Variants in CLIC4 observed in about 807,000 individuals in gnomAD.
CLIC4 encodes chloride intracellular channel protein 4.
Under a neutral mutation model 24.6 loss-of-function variants are expected in CLIC4, and 13 were observed. The ratio of observed to expected loss-of-function variants is 0.53; its 90% CI spans 0.34 to 0.84. The LOEUF (loss-of-function observed/expected upper bound fraction) is 0.84, where lower values mean the gene tolerates loss of function less well. Among genes scored for constraint, CLIC4 ranks in the 40% least tolerant of loss-of-function variants. The pLI is 0.01. For synonymous variants in CLIC4, 104 were observed against 111.3 expected (o/e 0.93, Z 0.41); for missense variants, 227 against 301.7 (o/e 0.75, Z 1.83).
At chr1:24,745,880 A>G (rs1375922088) in intron 1 of CLIC4, among the ~76,000 whole-genome samples, 4 of 151,178 alleles carry the variant, frequency 2.6e-5, no homozygotes, top group Non-Finnish European at 5.9e-5. Flanking sequence ...CGGACGCCAG[A>G]CCAGCGTCCC....
intron 1 of CLIC4, among the ~76,000 whole-genome samples, chr1:24,768,903 CAAAA>C (rs71032856): frequency 8.4e-5 from 9 of 107,272 alleles, no homozygotes; most frequent in Admixed American, 9.5e-5. Flanking sequence ...TCTGCCTCAC[CAAAA>C]AAAAAAAAAA....
chr1:24,790,110 C>T (rs114829053), intron 1 of CLIC4, among the ~76,000 whole-genome samples: 3,507 of 152,298 alleles, frequency 0.023, 61 homozygotes, highest in Non-Finnish European at 0.031. Context: ...TCTGCTCTGT[C>T]GCCCAGGCTG....
chr1:24,780,819 G>A (rs1222829859), intron 1 of CLIC4, among the ~76,000 whole-genome samples: 1 of 152,148 alleles, frequency 6.6e-6, no homozygotes, highest in African/African-American at 2.4e-5. Context: ...TGGGCACGGT[G>A]TCTCATGCCT....
At chr1:24,799,450 C>T (rs1015154967) in intron 2 of CLIC4, among the ~76,000 whole-genome samples, 15 of 149,766 alleles carry the variant, frequency 1.0e-4, no homozygotes, top group Admixed American at 5.3e-4. Flanking sequence ...CCCCTCCGCC[C>T]GGCAGCTGCC....
chr1:24,755,296 A>G (rs1258123666), intron 1 of CLIC4, among the ~76,000 whole-genome samples: 6 of 144,618 alleles, frequency 4.1e-5, no homozygotes, highest in Middle Eastern at 3.8e-3. Context: ...AAAATTAGCT[A>G]GGCATGATGG....
rs1639952557 is a variant in CLIC4 at position 24,842,398 on chromosome 1, A to G, written c.*1461A>G. On this transcript the variant is annotated 3_prime_UTR_variant, in exon 6 of 6. Coordinates refer to ENST00000374379, the MANE Select transcript of CLIC4 (RefSeq NM_013943.3). ...TTGTGACTATAATACATTTTTGGTA[A>G]TTTTTTTATACCTAATTTGTATAGG... 6.6e-6 allele frequency: 1 copy of G among 152,062 alleles called. No individual in the cohort carries two copies. The highest frequency in any genetic ancestry group is 2.4e-5 in the African/African-American group (1 of 41,396). 9.4% of individuals were successfully genotyped at this position (152,062 alleles called of 1,614,324 possible). A position where few individuals can be genotyped will look rare whatever the true frequency, so the allele number is the denominator to read the frequency against.
At chr1:24,799,552 G>T (rs1219340458) in intron 2 of CLIC4, among the ~76,000 whole-genome samples, 2 of 151,940 alleles carry the variant, frequency 1.3e-5, no homozygotes, top group South Asian at 2.1e-4. Context: ...CATCTGGGAA[G>T]TGAGGAGCGT....
intron 1 of CLIC4, among the ~76,000 whole-genome samples, chr1:24,766,020 T>C (rs186592961): frequency 6.6e-5 from 10 of 152,132 alleles, no homozygotes; most frequent in African/African-American, 2.4e-4. Context: ...TTTTTTTTCT[T>C]TTGAGATGGA....
At chr1:24,818,805 C>G (rs1274491132) in intron 3 of CLIC4, among the ~76,000 whole-genome samples, 1 of 45,340 alleles carries the variant, frequency 2.2e-5, no homozygotes, top group Admixed American at 3.2e-4. Flanking sequence ...CTTGAACTGT[C>G]TTAATTTAAA....
At position 24,839,868 on chromosome 1, in the gene CLIC4, A is replaced by C; in HGVS notation, c.424A>C (p.Arg142=). 6.2e-7 allele frequency: 1 copy of C among 1,611,066 alleles called. No homozygotes were observed. Among genetic ancestry groups the C allele is most frequent in the Non-Finnish European group, 8.5e-7 (1 of 1,179,386 alleles). The change falls in exon 5 of 6, where the codon AGG becomes CGG. Residue 142 remains arginine (R), a synonymous_variant. Transcript: ENST00000374379. ...SRPEANEALE[R]GLLKTLQKLD... ...TTTTTTTCCCCCCCAAGCACTGGAG[A>C]GGGGTCTCCTGAAAACCCTGCAGAA...
At chr1:24,817,824 G>A (rs148990791) in intron 3 of CLIC4, among the ~76,000 whole-genome samples, 51 of 152,286 alleles carry the variant, frequency 3.3e-4, no homozygotes, top group African/African-American at 1.2e-3. Flanking sequence ...ACACTGAGAG[G>A]TCATTGTAGG....
rs199639065 is a variant in CLIC4 at position 24,837,234 on chromosome 1, AAGG to A, written c.416-2621_416-2619del. ...AGCAAAAACCAATATTGGAAATAAA[AAGG>A]AGGATTGCTACAGATCTTACATTAA... On this transcript the variant is annotated intron_variant, in intron 4 of 5. Transcript: ENST00000374379. Among the ~76,000 whole-genome samples the A allele has an allele frequency of 9.2e-3, 1,400 of 152,292 alleles. 11 individuals are homozygous for A. Among genetic ancestry groups the A allele is most frequent in the Non-Finnish European group, 0.016 (1,062 of 68,024 alleles).
At position 24,797,834 on chromosome 1, in the gene CLIC4, G is replaced by A. The variant is rs768077828; in HGVS notation, c.165G>A (p.Thr55=). The stretch of plus-strand genomic sequence containing the variant: ...TCAAAGGAGTTGTATTTAGTGTGAC[G>A]ACTGTTGACCTGAAAAGGTAAGACA... ...LWLKGVVFSV[T]TVDLKRKPAD... is the part of the protein sequence containing the mutation. Residue 55 remains threonine, a synonymous_variant, in exon 2 of 6, where the codon ACG becomes ACA. Coordinates refer to ENST00000374379, the MANE Select transcript of CLIC4 (RefSeq NM_013943.3). 6 of 1,611,588 alleles carry A rather than the reference G, an allele frequency of 3.7e-6. No homozygotes were observed. Among genetic ancestry groups the A allele is most frequent in the East Asian group, 2.2e-5 (1 of 44,820 alleles).
chr1:24,826,957 T>TAA (rs1234006404), intron 3 of CLIC4, 53 bp from the exon 4 acceptor site: 9 of 1,267,408 alleles, frequency 7.1e-6, no homozygotes, highest in Non-Finnish European at 1.0e-5. Flanking sequence ...TGAGAGAACT[T>TAA]ATGCTAATTC....
chr1:24,803,917 A>G (rs1639518286), intron 2 of CLIC4, among the ~76,000 whole-genome samples: 3 of 152,288 alleles, frequency 2.0e-5, no homozygotes, highest in African/African-American at 7.2e-5. Flanking sequence ...AAAAAACTTC[A>G]CTTTTGTAAT....
intron 2 of CLIC4, among the ~76,000 whole-genome samples, chr1:24,798,723 C>T (rs1212716772): frequency 6.6e-6 from 1 of 152,210 alleles, no homozygotes; most frequent in Non-Finnish European, 1.5e-5. Context: ...CTGGACTGTA[C>T]TGCCGCCATC....
intron 2 of CLIC4, among the ~76,000 whole-genome samples, chr1:24,801,405 A>G (rs1161767102): frequency 6.6e-6 from 1 of 152,184 alleles, no homozygotes; most frequent in Non-Finnish European, 1.5e-5. Context: ...ACATATTTTT[A>G]AACAACCAGA....
At chr1:24,804,608 G>GA (rs991333871) in intron 2 of CLIC4, among the ~76,000 whole-genome samples, 11 of 151,564 alleles carry the variant, frequency 7.3e-5, no homozygotes, top group African/African-American at 2.4e-4. Context: ...ATTGAGAGGG[G>GA]AGGGAGATAT....
At chr1:24,775,224 C>CTTTTTTTTTTTTTTTTTTTTTTT in intron 1 of CLIC4, among the ~76,000 whole-genome samples, 15 of 90,656 alleles carry the variant, frequency 1.7e-4, no homozygotes, top group Middle Eastern at 6.6e-3. Flanking sequence ...TTCTTTCTTT[C>CTTTTTTTTTTTTTTTTTTTTTTT]TTTTTTTTTT....
Sources: allele counts gnomAD v4.1 joint callset (sites outside exome capture counted in the v4.1 genomes callset), GRCh38; gene constraint gnomAD v4.1.1; transcripts MANE v1.5; gene names NCBI Gene and HGNC (gene_info 2026-07-23, HGNC 2026-07-21).